The following MAP2K4 variants were observed in gnomAD, a reference collection of about 807,000 sequenced individuals.
MAP2K4 encodes mitogen-activated protein kinase kinase 4, also known as dual specificity mitogen-activated protein kinase kinase 4.
Under a neutral mutation model 48.5 loss-of-function variants are expected in MAP2K4, and 4 were observed. The ratio of observed to expected loss-of-function variants is 0.08; its 90% CI spans 0.04 to 0.19. The LOEUF is 0.19. MAP2K4 is among the 10% of genes least tolerant of loss of function. The probability of loss-of-function intolerance (pLI) is 1.00; values close to 1 mark genes in which losing one functional copy is unlikely to be tolerated. For missense variants in MAP2K4, 258 were observed against 493.3 expected (o/e 0.52, Z 4.52); for synonymous variants, 166 against 173.1 (o/e 0.96, Z 0.32).
chr17:12,110,362 T>G lies in MAP2K4; in HGVS notation c.634-13T>G, dbSNP rs1239957422. On this transcript the variant is annotated splice_polypyrimidine_tract_variant and intron_variant, in intron 5 of 10. Transcript: ENST00000353533. ...AACAAGTTGTTTATCCCATCTCTCC[T>G]TTTTCTCCCTAGACTGTGAAAGCAC... The G allele has an allele frequency of 6.3e-7, 1 of 1,599,314 alleles. No individual in the cohort carries two copies. The highest frequency in any genetic ancestry group is 2.2e-5 in the East Asian group (1 of 44,658).
At chr17:12,127,270 C>G (rs930671534) in intron 8 of MAP2K4, among the ~76,000 whole-genome samples, 1 of 152,140 alleles carries the variant, frequency 6.6e-6, no homozygotes, top group Non-Finnish European at 1.5e-5. Context: ...AGAAGAGATT[C>G]TTCTTTAGAC....
At chr17:12,103,350 G>A (rs188400395) in intron 4 of MAP2K4, among the ~76,000 whole-genome samples, 20 of 151,870 alleles carry the variant, frequency 1.3e-4, no homozygotes, top group African/African-American at 3.1e-4. Context: ...TCTGGCCTCC[G>A]TTACATGATT....
intron 8 of MAP2K4, among the ~76,000 whole-genome samples, chr17:12,127,298 T>C (rs1226105516): frequency 6.6e-6 from 1 of 152,226 alleles, no homozygotes; most frequent in East Asian, 1.9e-4. Context: ...AACATGGATC[T>C]CGGGCATCTT....
intron 3 of MAP2K4, among the ~76,000 whole-genome samples, chr17:12,089,539 T>A (rs1246371816): frequency 6.6e-6 from 1 of 152,218 alleles, no homozygotes; most frequent in Non-Finnish European, 1.5e-5. Flanking sequence ...TTTCATTGTG[T>A]CTGAGTCCTA....
At chr17:12,058,906 A>C (rs906524268) in intron 2 of MAP2K4, among the ~76,000 whole-genome samples, 13 of 152,190 alleles carry the variant, frequency 8.5e-5, no homozygotes, top group Admixed American at 6.5e-5. Context: ...TTAGCTGATC[A>C]GTCTTTTAAA....
chr17:12,080,407 G>T (rs1971152811), intron 2 of MAP2K4, among the ~76,000 whole-genome samples: 1 of 152,180 alleles, frequency 6.6e-6, no homozygotes, highest in Admixed American at 6.5e-5. Context: ...GTGTGTGTGT[G>T]AGAGAGAGCA....
At chr17:12,068,950 G>A (rs767927259) in intron 2 of MAP2K4, among the ~76,000 whole-genome samples, 3 of 152,114 alleles carry the variant, frequency 2.0e-5, no homozygotes, top group African/African-American at 2.4e-5. Context: ...AATGTATTTT[G>A]ATGAGAAAAT....
intron 2 of MAP2K4, among the ~76,000 whole-genome samples, chr17:12,055,397 A>G (rs1256183808): frequency 1.3e-5 from 2 of 152,112 alleles, no homozygotes; most frequent in African/African-American, 2.4e-5. Context: ...TAGTTAACAT[A>G]AAGCAATACC....
rs776823986 is a variant in MAP2K4 at position 12,081,549 on chromosome 17, A to G, written c.393+19A>G. The G allele has an allele frequency of 1.9e-6, 3 of 1,612,032 alleles. No homozygotes were observed. Among genetic ancestry groups the G allele is most frequent in the South Asian group, 1.1e-5 (1 of 90,846 alleles). On this transcript the variant is annotated intron_variant, in intron 3 of 10. Transcript: ENST00000353533. This position sits in a 1 kb window ranked among gnomAD's most constrained non-coding sequence, Gnocchi z 4.2. ...AGTTAAAGTAGGTGATGCCATGATT[A>G]TTTTTGGTACTTTAATCCATTAGGT...
intron 2 of MAP2K4, among the ~76,000 whole-genome samples, chr17:12,066,714 G>A (rs1275239574): frequency 6.6e-6 from 1 of 152,042 alleles, no homozygotes; most frequent in Non-Finnish European, 1.5e-5. Context: ...TTTTGAGACG[G>A]AGTCTCGTTC....
At chr17:12,111,183 G>A (rs893537843) in intron 6 of MAP2K4, among the ~76,000 whole-genome samples, 1 of 152,084 alleles carries the variant, frequency 6.6e-6, no homozygotes, top group African/African-American at 2.4e-5. Context: ...ACAGTAAATA[G>A]GAAGGAAAGT....
intron 1 of MAP2K4, among the ~76,000 whole-genome samples, chr17:12,054,148 A>G (rs1970220716): frequency 6.6e-6 from 1 of 152,198 alleles, no homozygotes; most frequent in Non-Finnish European, 1.5e-5. Flanking sequence ...ACATGTCCCT[A>G]TCTATGTATA....
intron 1 of MAP2K4, 85 bp downstream of exon 1, chr17:12,021,086 A>G: frequency 1.2e-6 from 1 of 835,468 alleles, no homozygotes. Context: ...ACGCCCCCGG[A>G]CCCGGCTGAG....
At chr17:12,094,351 C>G (rs535688623) in intron 3 of MAP2K4, among the ~76,000 whole-genome samples, 1 of 152,314 alleles carries the variant, frequency 6.6e-6, no homozygotes, top group South Asian at 2.1e-4. Flanking sequence ...ACTGCTTATT[C>G]TCATGTCACA....
At chr17:12,048,229 GCTACCTTAT>G (rs1451062392) in intron 1 of MAP2K4, among the ~76,000 whole-genome samples, 1 of 152,144 alleles carries the variant, frequency 6.6e-6, no homozygotes, top group Non-Finnish European at 1.5e-5. Flanking sequence ...GGAGGGGTCA[GCTACCTTAT>G]CTATTGTTCA....
chr17:12,124,091 G>T (rs1485647270), intron 7 of MAP2K4, among the ~76,000 whole-genome samples: 2 of 152,026 alleles, frequency 1.3e-5, no homozygotes, highest in East Asian at 3.9e-4. Context: ...AAAAAACAAA[G>T]TAAATAGCTT....
chr17:12,134,538 G>T (rs940113009), intron 9 of MAP2K4, among the ~76,000 whole-genome samples: 3 of 152,158 alleles, frequency 2.0e-5, no homozygotes, highest in African/African-American at 7.2e-5. Flanking sequence ...TGAACATGAG[G>T]TAAATGGTAA....
chr17:12,035,082 G>A (rs1303306897), intron 1 of MAP2K4, among the ~76,000 whole-genome samples: 1 of 152,174 alleles, frequency 6.6e-6, no homozygotes, highest in Admixed American at 6.5e-5. Flanking sequence ...ACATATATTA[G>A]CACTTCTTCT....
chr17:12,073,762 C>T (rs897501953), intron 2 of MAP2K4, among the ~76,000 whole-genome samples: 6 of 147,266 alleles, frequency 4.1e-5, no homozygotes, highest in East Asian at 2.0e-4. Flanking sequence ...TCTTCCTTCT[C>T]GTTGTAGATT....
Sources: allele counts gnomAD v4.1 joint callset (sites outside exome capture counted in the v4.1 genomes callset), GRCh38; gene constraint gnomAD v4.1.1; non-coding constraint Gnocchi (gnomAD v3.1); transcripts MANE v1.5; gene names NCBI Gene and HGNC (gene_info 2026-07-23, HGNC 2026-07-21).